Variants in CHIC1 observed in about 807,000 individuals in gnomAD.
The protein encoded by CHIC1 is cysteine rich hydrophobic domain 1, also known as cysteine-rich hydrophobic domain-containing protein 1.
A neutral mutation model predicts 18.5 loss-of-function variants in CHIC1; 7 were observed. The ratio of observed to expected loss-of-function variants is 0.38; its 90% CI spans 0.22 to 0.71. CHIC1 has a LOEUF of 0.71. CHIC1 is among the 30% of genes least tolerant of loss of function. CHIC1 has a pLI of 0.49. For missense variants in CHIC1, 159 were observed against 176.9 expected, an observed-to-expected ratio of 0.90 and a Z score of 0.57; for synonymous variants, 77 against 73.5, an observed-to-expected ratio of 1.05 and a Z score of -0.25.
At chrX:73,667,027 G>A (rs980425910) in intron 3 of CHIC1, among the ~76,000 whole-genome samples, 3 of 111,748 alleles carry the variant, frequency 2.7e-5, no homozygotes, top group Admixed American at 9.4e-5. Context: ...TATGAATATG[G>A]GTGCTAGTGT....
At chrX:73,620,213 G>A (rs1603344343) in intron 3 of CHIC1, among the ~76,000 whole-genome samples, 1 of 111,927 alleles carries the variant, frequency 8.9e-6, no homozygotes, top group African/African-American at 3.2e-5. Context: ...TTCTTTGGGT[G>A]TATACCCAGT....
chrX:73,582,930 A>G (rs1207526116), intron 2 of CHIC1, among the ~76,000 whole-genome samples: 2 of 110,711 alleles, frequency 1.8e-5, no homozygotes, highest in Non-Finnish European at 3.8e-5. Context: ...ACTCTTGTGC[A>G]CTAAGTTTGT....
chrX:73,644,903 C>A (rs2057880516), intron 3 of CHIC1, among the ~76,000 whole-genome samples: 1 of 112,228 alleles, frequency 8.9e-6, no homozygotes, highest in African/African-American at 3.2e-5. Context: ...CGGGTACTCC[C>A]TGACCCCTTG....
intron 3 of CHIC1, among the ~76,000 whole-genome samples, chrX:73,641,215 A>T (rs1245509341): frequency 9.0e-6 from 1 of 110,603 alleles, no homozygotes; most frequent in East Asian, 2.8e-4. Context: ...TGTGGTTGGT[A>T]TGATTTTTTT....
intron 3 of CHIC1, among the ~76,000 whole-genome samples, chrX:73,631,177 TTA>T (rs1415082791): frequency 6.3e-5 from 7 of 111,927 alleles, no homozygotes; most frequent in African/African-American, 1.9e-4. Flanking sequence ...TCAATTTTCT[TTA>T]TCTTTTCAAA....
intron 3 of CHIC1, among the ~76,000 whole-genome samples, chrX:73,587,942 T>A (rs918649493): frequency 9.0e-6 from 1 of 111,324 alleles, no homozygotes; most frequent in Non-Finnish European, 1.9e-5. Flanking sequence ...TATGGCATGT[T>A]AATACTAAAA....
chrX:73,585,477 T>G (rs368991668), intron 3 of CHIC1, among the ~76,000 whole-genome samples: 6 of 111,227 alleles, frequency 5.4e-5, no homozygotes, highest in East Asian at 2.8e-4. Flanking sequence ...AAATATTGCT[T>G]AGTCTATTGT....
intron 3 of CHIC1, among the ~76,000 whole-genome samples, chrX:73,587,600 T>C (rs1192818596): frequency 8.9e-6 from 1 of 111,738 alleles, no homozygotes; most frequent in East Asian, 2.8e-4. Flanking sequence ...TGTTTGATTC[T>C]GTGTTTTTGT....
intron 3 of CHIC1, among the ~76,000 whole-genome samples, chrX:73,607,510 T>A (rs1168431584): frequency 9.3e-6 from 1 of 107,464 alleles, no homozygotes; most frequent in Non-Finnish European, 1.9e-5. Flanking sequence ...TCGCTGACAT[T>A]CCAGGAGCCA....
At chrX:73,672,491 GT>G (rs2058036855) in intron 3 of CHIC1, among the ~76,000 whole-genome samples, 1 of 112,205 alleles carries the variant, frequency 8.9e-6, no homozygotes, top group African/African-American at 3.2e-5. Flanking sequence ...TCTCATTGTG[GT>G]TTTGATTTGC....
intron 3 of CHIC1, among the ~76,000 whole-genome samples, chrX:73,630,996 AT>A (rs1202896545): frequency 5.5e-4 from 61 of 111,479 alleles, no homozygotes; most frequent in Non-Finnish European, 1.1e-4. Flanking sequence ...TTCTCTAGGA[AT>A]TTAGCCATTT....
chrX:73,632,331 A>G (rs1227988068), intron 3 of CHIC1, among the ~76,000 whole-genome samples: 1 of 111,723 alleles, frequency 9.0e-6, no homozygotes, highest in Non-Finnish European at 1.9e-5. Flanking sequence ...GTCTTTTTCC[A>G]TTCTTCACTT....
At chrX:73,645,288 C>T (rs1472239686) in intron 3 of CHIC1, among the ~76,000 whole-genome samples, 3 of 112,007 alleles carry the variant, frequency 2.7e-5, no homozygotes, top group South Asian at 3.7e-4. Context: ...ATATGTGCTA[C>T]ATTTTCTTTA....
intron 3 of CHIC1, among the ~76,000 whole-genome samples, chrX:73,636,415 G>A (rs1312505336): frequency 9.0e-6 from 1 of 110,969 alleles, no homozygotes; most frequent in African/African-American, 3.3e-5. Flanking sequence ...CTCCTGAGAG[G>A]CTGGAACTAC....
chrX:73,644,587 G>T (rs974708902), intron 3 of CHIC1, among the ~76,000 whole-genome samples: 6 of 112,550 alleles, frequency 5.3e-5, no homozygotes, highest in Non-Finnish European at 9.4e-5. Context: ...GGCAATGGCA[G>T]GCGCCCCTCC....
In CHIC1 at chrX:73,564,452, G is replaced by A. The variant is rs2057434823; in HGVS notation, c.296+872G>A. Among the ~76,000 whole-genome samples the A allele has an allele frequency of 3.6e-5, 4 of 111,485 alleles. No homozygotes were observed. In the South Asian group the frequency reaches 1.5e-3, roughly 41 times the overall value. The stretch of plus-strand genomic sequence containing the variant: ...TTTTTTAAAAAATTGAAATCTTGAG[G>A]AAAAATTGAATATTTCAGAAAATAA... On this transcript the variant is annotated intron_variant, in intron 1 of 5. Coordinates refer to ENST00000373502, the MANE Select transcript of CHIC1 (RefSeq NM_001039840.4).
intron 1 of CHIC1, among the ~76,000 whole-genome samples, chrX:73,565,679 T>C (rs2057441652): frequency 8.9e-6 from 1 of 112,001 alleles, no homozygotes; most frequent in Admixed American, 9.5e-5. Flanking sequence ...ATCTGAGAAA[T>C]GGGTCTTTGT....
At chrX:73,658,408 T>C (rs1249353536) in intron 3 of CHIC1, among the ~76,000 whole-genome samples, 2 of 107,945 alleles carry the variant, frequency 1.9e-5, no homozygotes. Context: ...TCTTCTTTAT[T>C]TTCTAGTTTA....
intron 3 of CHIC1, among the ~76,000 whole-genome samples, chrX:73,676,040 A>T (rs1222806416): frequency 9.0e-6 from 1 of 111,662 alleles, no homozygotes; most frequent in Non-Finnish European, 1.9e-5. Flanking sequence ...TCTTTTCTTT[A>T]AGAATGCTGA....
Sources: gnomAD v4.1 joint callset for allele counts (sites outside exome capture counted in the v4.1 genomes callset) on GRCh38, gnomAD v4.1.1 for gene constraint, MANE v1.5 for transcripts, NCBI Gene and HGNC (gene_info 2026-07-23, HGNC 2026-07-21) for gene names.